The following TUFT1 variants were observed in gnomAD, a reference collection of about 807,000 sequenced individuals.
TUFT1 encodes tuftelin.
TUFT1 carries 43 observed loss-of-function variants against 57.8 expected under a neutral mutation model. The observed-to-expected ratio is 0.74, with a 90% confidence interval of 0.58 to 0.96. The LOEUF is 0.96. TUFT1 is among the 40% of genes least tolerant of loss of function. The pLI, the probability that TUFT1 is intolerant of heterozygous loss-of-function variation, is 0.00. For missense variants in TUFT1, 459 were observed against 489.0 expected, an observed-to-expected ratio of 0.94 and a Z score of 0.58; for synonymous variants, 166 against 176.7, an observed-to-expected ratio of 0.94 and a Z score of 0.48.
At chr1:151,549,907 A>C (rs1665455712) in intron 1 of TUFT1, among the ~76,000 whole-genome samples, 1 of 152,060 alleles carries the variant, frequency 6.6e-6, no homozygotes, top group Admixed American at 6.6e-5. Context: ...CTTTTTGTAG[A>C]GACAGGGTCT....
intron 1 of TUFT1, among the ~76,000 whole-genome samples, chr1:151,547,700 A>C (rs1418603526): frequency 6.6e-6 from 1 of 152,184 alleles, no homozygotes; most frequent in Admixed American, 6.5e-5. Flanking sequence ...CAGAGGGGGC[A>C]CTGAGGAACT....
At chr1:151,543,544 G>A (rs1362029712) in intron 1 of TUFT1, among the ~76,000 whole-genome samples, 4 of 152,054 alleles carry the variant, frequency 2.6e-5, no homozygotes, top group South Asian at 2.1e-4. Flanking sequence ...AATGACTCCA[G>A]CTAAACTAAG....
intron 9 of TUFT1, among the ~76,000 whole-genome samples, chr1:151,578,336 G>A (rs527358334): frequency 2.2e-4 from 34 of 151,594 alleles, no homozygotes; most frequent in Non-Finnish European, 4.3e-4. Context: ...GTGAGACAAA[G>A]TCTTGCTCTG....
intron 1 of TUFT1, among the ~76,000 whole-genome samples, chr1:151,550,141 C>T (rs1347006531): frequency 1.3e-5 from 2 of 152,182 alleles, no homozygotes; most frequent in Non-Finnish European, 2.9e-5. Flanking sequence ...AAGCGATTCT[C>T]CTGCCTCAGC....
intron 6 of TUFT1, among the ~76,000 whole-genome samples, chr1:151,567,472 G>T (rs1198371299): frequency 6.6e-6 from 1 of 152,096 alleles, no homozygotes; most frequent in Non-Finnish European, 1.5e-5. Flanking sequence ...GGGCTTAAGT[G>T]ATCTGCCCAC....
At chr1:151,563,144 C>G (rs1251403578) in intron 3 of TUFT1, among the ~76,000 whole-genome samples, 2 of 152,140 alleles carry the variant, frequency 1.3e-5, no homozygotes, top group Non-Finnish European at 2.9e-5. Flanking sequence ...CTCAGCCTCC[C>G]AAAATGCTGG....
At chr1:151,559,405 G>A (rs1665812240) in intron 1 of TUFT1, among the ~76,000 whole-genome samples, 1 of 152,204 alleles carries the variant, frequency 6.6e-6, no homozygotes. Flanking sequence ...TAGCATCTTG[G>A]AAGATGAGGC....
At chr1:151,557,915 G>A in intron 1 of TUFT1, 1 of 692,088 alleles carries the variant, frequency 1.4e-6, no homozygotes, top group Non-Finnish European at 2.7e-6. Context: ...GGATTTGGTT[G>A]AGGATGTGGT....
At chr1:151,576,447 CA>C (rs1666464845) in intron 9 of TUFT1, among the ~76,000 whole-genome samples, 1 of 152,152 alleles carries the variant, frequency 6.6e-6, no homozygotes, top group African/African-American at 2.4e-5. Context: ...TGCAGAACCA[CA>C]GATTAAGGGC....
At chr1:151,561,695 A>G (rs1198176511) in intron 1 of TUFT1, 2 of 1,288,084 alleles carry the variant, frequency 1.6e-6, no homozygotes, top group African/African-American at 1.5e-5. Context: ...AAGTGCATCA[A>G]TAACTTGCTG....
chr1:151,564,063 T>G (rs1665986392), intron 4 of TUFT1, 73 bp downstream of exon 4: 1 of 1,249,324 alleles, frequency 8.0e-7, no homozygotes, highest in East Asian at 2.3e-5. Flanking sequence ...GACTGTCTTC[T>G]TTTGTGGATT....
intron 1 of TUFT1, among the ~76,000 whole-genome samples, chr1:151,542,633 G>A (rs1665204687): frequency 6.6e-6 from 1 of 152,188 alleles, no homozygotes; most frequent in South Asian, 2.1e-4. Context: ...TCCATCATAG[G>A]TTAGTTTGAA....
intron 9 of TUFT1, among the ~76,000 whole-genome samples, chr1:151,578,236 C>T (rs1268063545): frequency 2.0e-5 from 3 of 152,168 alleles, no homozygotes. Context: ...TCCAGAATGA[C>T]TTATCCCTTC....
chr1:151,548,706 G>A (rs1050250994), intron 1 of TUFT1, among the ~76,000 whole-genome samples: 14 of 152,176 alleles, frequency 9.2e-5, no homozygotes, highest in African/African-American at 3.4e-4. Context: ...GGCAAAGTGA[G>A]GGAAGAGTGG....
intron 1 of TUFT1, among the ~76,000 whole-genome samples, chr1:151,552,574 C>G (rs1665544078): frequency 6.6e-6 from 1 of 151,872 alleles, no homozygotes; most frequent in Non-Finnish European, 1.5e-5. Context: ...TGTGGTGGGA[C>G]ACGCCGGTAA....
At chr1:151,548,448 G>A (rs932680708) in intron 1 of TUFT1, among the ~76,000 whole-genome samples, 7 of 151,898 alleles carry the variant, frequency 4.6e-5, no homozygotes, top group East Asian at 1.9e-4. Context: ...AGCTACAGGC[G>A]TGCGCCACCA....
At chr1:151,579,344 G>C (rs1458719507) in intron 10 of TUFT1, among the ~76,000 whole-genome samples, 1 of 152,166 alleles carries the variant, frequency 6.6e-6, no homozygotes, top group Non-Finnish European at 1.5e-5. Flanking sequence ...CAGTCATATA[G>C]TAAGTACTCA....
chr1:151,567,153 G>A (rs551931771), intron 6 of TUFT1, among the ~76,000 whole-genome samples: 13 of 152,252 alleles, frequency 8.5e-5, no homozygotes, highest in South Asian at 2.1e-4. Flanking sequence ...TGCTTGCCTC[G>A]CCTCCCAGAG....
intron 1 of TUFT1, among the ~76,000 whole-genome samples, chr1:151,555,642 T>A (rs1665670814): frequency 6.6e-6 from 1 of 151,602 alleles, no homozygotes; most frequent in African/African-American, 2.4e-5. Context: ...CCGGACGTTG[T>A]GGTGGGTGCC....
Sources: gnomAD v4.1 joint callset for allele counts (sites outside exome capture counted in the v4.1 genomes callset) on GRCh38, gnomAD v4.1.1 for gene constraint, MANE v1.5 for transcripts, NCBI Gene and HGNC (gene_info 2026-07-23, HGNC 2026-07-21) for gene names.